ACTR3C: variants seen among roughly 807,000 people sequenced by gnomAD.
ACTR3C encodes actin related protein 3C, also known as actin-related protein 3C.
Under a neutral mutation model 26.3 loss-of-function variants are expected in ACTR3C, and 18 were observed. That is an observed-to-expected ratio of 0.68 (90% CI 0.47 to 1.01). ACTR3C has a LOEUF of 1.01. ACTR3C is among the 50% of genes least tolerant of loss of function. The probability of loss-of-function intolerance (pLI) is 0.00; values close to 1 mark genes in which losing one functional copy is unlikely to be tolerated. For synonymous variants in ACTR3C, 55 were observed against 94.5 expected, an observed-to-expected ratio of 0.58 and a Z score of 2.42; for missense variants, 184 against 250.7, an observed-to-expected ratio of 0.73 and a Z score of 1.80.
chr7:150,305,760 C>T (rs751517403), intron 1 of ACTR3C, among the ~76,000 whole-genome samples: 12 of 152,080 alleles, frequency 7.9e-5, no homozygotes, highest in Non-Finnish European at 1.6e-4. Context: ...CCGGTGTAAG[C>T]TGAGTCTCTG....
At chr7:150,154,374 G>A in the ACTR3C span, among the ~76,000 whole-genome samples, 1 of 151,952 alleles carries the variant, frequency 6.6e-6, no homozygotes, top group Non-Finnish European at 1.5e-5. Context: ...GGTCTCAGTA[G>A]GTTGTATATT....
chr7:150,191,357 T>G, the ACTR3C span, among the ~76,000 whole-genome samples: 1 of 152,200 alleles, frequency 6.6e-6, no homozygotes, highest in East Asian at 1.9e-4. Context: ...AAACAGTATA[T>G]TCCCCCAATG....
At chr7:150,133,465 A>C in the ACTR3C span, among the ~76,000 whole-genome samples, 1 of 152,158 alleles carries the variant, frequency 6.6e-6, no homozygotes, top group Non-Finnish European at 1.5e-5. Context: ...CCTGGAGTTC[A>C]AACTGCAAGG....
the ACTR3C span, among the ~76,000 whole-genome samples, chr7:149,976,043 T>C: frequency 6.6e-6 from 1 of 152,224 alleles, no homozygotes; most frequent in Non-Finnish European, 1.5e-5. Context: ...CATCAACTGT[T>C]CTGGGTGCAT....
the ACTR3C span, among the ~76,000 whole-genome samples, chr7:150,234,072 A>G: frequency 6.6e-6 from 1 of 151,936 alleles, no homozygotes; most frequent in Non-Finnish European, 1.5e-5. Context: ...TCCACTCTTG[A>G]CTTTGGGCAT....
the ACTR3C span, among the ~76,000 whole-genome samples, chr7:149,930,366 C>T: frequency 2.0e-5 from 3 of 152,164 alleles, no homozygotes. Context: ...TCAAACAGTG[C>T]AGGAAAGTAA....
At chr7:150,182,492 C>T in the ACTR3C span, among the ~76,000 whole-genome samples, 5 of 150,488 alleles carry the variant, frequency 3.3e-5, no homozygotes, top group Admixed American at 6.6e-5. Flanking sequence ...GTCTGTTGCC[C>T]GTAAAATTCA....
chr7:150,237,371 A>C, the ACTR3C span, among the ~76,000 whole-genome samples: 1 of 152,122 alleles, frequency 6.6e-6, no homozygotes, highest in African/African-American at 2.4e-5. Context: ...TGGGGGTTTC[A>C]TGGAATTTTT....
At chr7:149,909,714 A>G in the ACTR3C span, 2 of 421,460 alleles carry the variant, frequency 4.7e-6, no homozygotes, top group Non-Finnish European at 8.3e-6. Flanking sequence ...ACCTAAAAGC[A>G]CAAAGTCATC....
At chr7:149,986,806 T>G in the ACTR3C span, among the ~76,000 whole-genome samples, 1 of 148,540 alleles carries the variant, frequency 6.7e-6, no homozygotes, top group Admixed American at 6.8e-5. Context: ...TACCTTGACT[T>G]GTGTGACTGC....
At chr7:150,173,493 G>A in the ACTR3C span, among the ~76,000 whole-genome samples, 1 of 148,166 alleles carries the variant, frequency 6.7e-6, no homozygotes, top group Non-Finnish European at 1.5e-5. Flanking sequence ...TGTGATGGGA[G>A]GAAGTGGCCC....
At chr7:150,132,586 G>A in the ACTR3C span, among the ~76,000 whole-genome samples, 1 of 152,084 alleles carries the variant, frequency 6.6e-6, no homozygotes, top group South Asian at 2.1e-4. Flanking sequence ...ATACCAACTC[G>A]ATGGTTTTTT....
the ACTR3C span, among the ~76,000 whole-genome samples, chr7:150,040,207 A>G: frequency 2.2e-4 from 32 of 148,200 alleles, 2 homozygotes; most frequent in African/African-American, 6.8e-4. Flanking sequence ...GTTGCTGCCA[A>G]GGCCCTCTAA....
chr7:150,037,774 CCT>C, the ACTR3C span, among the ~76,000 whole-genome samples: 15 of 47,678 alleles, frequency 3.1e-4, no homozygotes, highest in East Asian at 1.0e-3. Context: ...GGTGCCTCCC[CCT>C]CCTGCGATGG....
At chr7:150,225,753 C>T in the ACTR3C span, among the ~76,000 whole-genome samples, 14 of 152,174 alleles carry the variant, frequency 9.2e-5, no homozygotes, top group Non-Finnish European at 1.5e-4. Context: ...CTCCTAAATA[C>T]GATTTTAAAT....
chr7:150,109,899 A>G, the ACTR3C span, among the ~76,000 whole-genome samples: 1 of 144,854 alleles, frequency 6.9e-6, no homozygotes, highest in Non-Finnish European at 1.5e-5. Flanking sequence ...GAGCTTTACA[A>G]TTATGTTAAA....
the ACTR3C span, among the ~76,000 whole-genome samples, chr7:150,134,232 T>C: frequency 8.0e-6 from 1 of 125,306 alleles, no homozygotes; most frequent in South Asian, 2.7e-4. Context: ...CTATATGCAG[T>C]AAAAAAAAAA....
chr7:149,952,648 A>T, the ACTR3C span, among the ~76,000 whole-genome samples: 1 of 149,020 alleles, frequency 6.7e-6, no homozygotes, highest in East Asian at 1.9e-4. Flanking sequence ...GCAAAGCATT[A>T]GGAGAAATCA....
At chr7:150,026,170 T>C in the ACTR3C span, among the ~76,000 whole-genome samples, 1 of 152,008 alleles carries the variant, frequency 6.6e-6, no homozygotes, top group Non-Finnish European at 1.5e-5. Flanking sequence ...GTCAAAAAAA[T>C]ACAACCAGTA....
Sources: gnomAD v4.1 joint callset for allele counts (sites outside exome capture counted in the v4.1 genomes callset) on GRCh38, gnomAD v4.1.1 for gene constraint, MANE v1.5 for transcripts, NCBI Gene and HGNC (gene_info 2026-07-23, HGNC 2026-07-21) for gene names.